Variants in CASK observed in about 807,000 individuals in gnomAD.
The protein encoded by CASK is calcium/calmodulin dependent serine protein kinase.
Under a neutral mutation model 82.9 loss-of-function variants are expected in CASK, and 4 were observed. That is an observed-to-expected ratio of 0.05 (90% confidence interval 0.02 to 0.11). The LOEUF is 0.11. Ranked by LOEUF, CASK falls within the 10% of genes least tolerant of loss-of-function variation. CASK has a pLI of 1.00. For synonymous variants in CASK, 259 were observed against 253.5 expected (o/e 1.02, Z -0.20); for missense variants, 358 against 720.9 (o/e 0.50, Z 5.76).
At chrX:41,894,992 C>T (rs1425972293) in intron 1 of CASK, among the ~76,000 whole-genome samples, 1 of 111,404 alleles carries the variant, frequency 9.0e-6, no homozygotes, top group Non-Finnish European at 1.9e-5. Context: ...TGGTATATCC[C>T]ACTTCTCTAT....
intron 1 of CASK, among the ~76,000 whole-genome samples, chrX:41,869,168 C>T (rs2071648016): frequency 9.0e-6 from 1 of 111,516 alleles, no homozygotes; most frequent in South Asian, 3.8e-4. Context: ...ATTCTCCACC[C>T]CTGGGAAGCA....
At chrX:41,921,654 T>G (rs1369620404) in intron 1 of CASK, among the ~76,000 whole-genome samples, 1 of 110,951 alleles carries the variant, frequency 9.0e-6, no homozygotes, top group Non-Finnish European at 1.9e-5. Flanking sequence ...TCACATCAAT[T>G]GGGTCTGAGT....
chrX:41,677,312 A>G (rs2067283959), intron 5 of CASK, among the ~76,000 whole-genome samples: 1 of 111,557 alleles, frequency 9.0e-6, no homozygotes, highest in Non-Finnish European at 1.9e-5. Flanking sequence ...ATTGCTTAGG[A>G]AATCATAGAG....
At position 41,671,647 on chromosome X, in the gene CASK, T is replaced by C. The variant is rs188913894; in HGVS notation, c.430-117A>G. 5.3e-4 allele frequency: 275 copies of C among 515,923 alleles called. 1 individual carries two copies. In the East Asian group the frequency reaches 9.8e-3, roughly 18 times the overall value. 42.5% of individuals were successfully genotyped at this position (515,923 alleles called of 1,213,427 possible). A position where few individuals can be genotyped will look rare whatever the true frequency, so the allele number is the denominator to read the frequency against. On this transcript the variant is annotated intron_variant, in intron 5 of 26. Coordinates refer to ENST00000378163, the MANE Select transcript of CASK (RefSeq NM_001367721.1). ...GATAACATGATAATAGAGAAACACA[T>C]TAAAAACTTCTAAATTATTCTGGAT...
intron 2 of CASK, among the ~76,000 whole-genome samples, chrX:41,826,558 G>A (rs1415004219): frequency 9.0e-6 from 1 of 111,612 alleles, no homozygotes; most frequent in Non-Finnish European, 1.9e-5. Context: ...CTGCAATTCT[G>A]CCTCCTGGGT....
chrX:41,575,395 C>T (rs963240117), intron 15 of CASK, among the ~76,000 whole-genome samples: 1 of 111,817 alleles, frequency 8.9e-6, no homozygotes, highest in African/African-American at 3.3e-5. Flanking sequence ...TAGGTGCCTA[C>T]TCCTGAACCT....
At chrX:41,673,608 G>C (rs1184894819) in intron 5 of CASK, among the ~76,000 whole-genome samples, 4 of 110,931 alleles carry the variant, frequency 3.6e-5, no homozygotes, top group Non-Finnish European at 7.5e-5. Context: ...TCTGAACAGA[G>C]ACCAGAACGA....
chrX:41,894,112 A>G (rs2072228394), intron 1 of CASK, among the ~76,000 whole-genome samples: 1 of 111,835 alleles, frequency 8.9e-6, no homozygotes, highest in African/African-American at 3.2e-5. Context: ...TTATAAATAT[A>G]TTCAAAGAAT....
At chrX:41,717,608 A>C in intron 5 of CASK, among the ~76,000 whole-genome samples, 1 of 112,387 alleles carries the variant, frequency 8.9e-6, no homozygotes, top group Middle Eastern at 4.2e-3. Context: ...TAATTATACC[A>C]GCTGCTGTAA....
At chrX:41,548,395 C>CT (rs1409636222) in intron 21 of CASK, among the ~76,000 whole-genome samples, 1 of 111,816 alleles carries the variant, frequency 8.9e-6, no homozygotes, top group African/African-American at 3.2e-5. Flanking sequence ...CTTGAACTGC[C>CT]TTTACTGAAT....
At chrX:41,575,444 G>T (rs2065471807) in intron 15 of CASK, among the ~76,000 whole-genome samples, 1 of 111,143 alleles carries the variant, frequency 9.0e-6, no homozygotes, top group African/African-American at 3.3e-5. Context: ...TTATACTCCT[G>T]GCCTTTCCCT....
At chrX:41,849,438 A>C (rs1480964777) in intron 2 of CASK, among the ~76,000 whole-genome samples, 7 of 111,798 alleles carry the variant, frequency 6.3e-5, no homozygotes, top group Non-Finnish European at 1.1e-4. Flanking sequence ...AAGTATAAAA[A>C]ATCCCCCAAT....
chrX:41,696,418 C>G (rs367957485), intron 5 of CASK: 1 of 1,183,277 alleles, frequency 8.5e-7, no homozygotes, highest in Non-Finnish European at 1.1e-6. Flanking sequence ...GGTAAATATG[C>G]CACTACAGCT....
At chrX:41,750,197 TGA>T (rs1387468874) in intron 3 of CASK, among the ~76,000 whole-genome samples, 3 of 112,325 alleles carry the variant, frequency 2.7e-5, no homozygotes, top group South Asian at 3.7e-4. Flanking sequence ...TTAAATTTCA[TGA>T]GATATAGAAA....
chrX:41,548,648 T>C (rs1455437343), intron 21 of CASK, among the ~76,000 whole-genome samples: 2 of 111,547 alleles, frequency 1.8e-5, no homozygotes, highest in Non-Finnish European at 3.8e-5. Flanking sequence ...AGGCTTGCTT[T>C]GGGGATTCTT....
At chrX:41,812,678 C>T (rs769216717) in intron 2 of CASK, among the ~76,000 whole-genome samples, 158 of 111,698 alleles carry the variant, frequency 1.4e-3, no homozygotes, top group African/African-American at 4.8e-3. Flanking sequence ...TGAAAACTGG[C>T]ACAAGACAGG....
At chrX:41,723,879 T>C (rs1476485173) in intron 5 of CASK, among the ~76,000 whole-genome samples, 2 of 112,386 alleles carry the variant, frequency 1.8e-5, no homozygotes, top group African/African-American at 6.5e-5. Flanking sequence ...ATTGGGTTAC[T>C]ACAGAGTGGC....
At chrX:41,527,564 A>G (rs1183521054) in intron 25 of CASK, among the ~76,000 whole-genome samples, 1 of 111,680 alleles carries the variant, frequency 9.0e-6, no homozygotes, top group Non-Finnish European at 1.9e-5. Context: ...ACAAAAATCT[A>G]AGGGTTTAGG....
At chrX:41,562,214 T>C (rs372229046) in intron 16 of CASK, 1 of 112,664 alleles carries the variant, frequency 8.9e-6, no homozygotes, top group Non-Finnish European at 1.9e-5. Context: ...CATGATAATA[T>C]CTACACAACA....
Sources: allele counts gnomAD v4.1 joint callset (sites outside exome capture counted in the v4.1 genomes callset), GRCh38; gene constraint gnomAD v4.1.1; transcripts MANE v1.5; gene names NCBI Gene and HGNC (gene_info 2026-07-23, HGNC 2026-07-21).